The following COL28A1 variants were observed in gnomAD, a reference collection of about 807,000 sequenced individuals.
The protein encoded by COL28A1 is collagen alpha-1(XXVIII) chain.
Under a neutral mutation model 150.2 loss-of-function variants are expected in COL28A1, and 161 were observed. That is an observed-to-expected ratio of 1.07 (90% CI 0.94 to 1.22). The LOEUF is 1.22. Among genes scored for constraint, COL28A1 ranks in the 50% most tolerant of loss-of-function variants. The probability of loss-of-function intolerance (pLI) is 0.00; values close to 1 mark genes in which losing one functional copy is unlikely to be tolerated. For synonymous variants in COL28A1, 552 were observed against 469.7 expected, an observed-to-expected ratio of 1.18 and a Z score of -2.26; for missense variants, 1,617 against 1,388.3, an observed-to-expected ratio of 1.16 and a Z score of -2.62.
At chr7:7,340,707 A>C in the COL28A1 span, among the ~76,000 whole-genome samples, 1 of 151,862 alleles carries the variant, frequency 6.6e-6, no homozygotes, top group Non-Finnish European at 1.5e-5. Flanking sequence ...TTTTATACTT[A>C]TACCTGCATT....
intron 11 of COL28A1, among the ~76,000 whole-genome samples, chr7:7,493,909 A>C (rs1000103145): frequency 2.6e-5 from 4 of 152,126 alleles, no homozygotes; most frequent in Non-Finnish European, 4.4e-5. Context: ...GCATGCCCAC[A>C]GTAATTATTT....
upstream of COL28A1, chr7:7,535,876 T>A (rs1782613977): frequency 6.6e-6 from 1 of 152,226 alleles, no homozygotes; most frequent in South Asian, 2.1e-4. Context: ...GTGTCTTTGC[T>A]TTAGGATCTT....
At chr7:7,353,700 A>C (rs1780280696), downstream of COL28A1, among the ~76,000 whole-genome samples, 1 of 152,192 alleles carries the variant, frequency 6.6e-6, no homozygotes, top group African/African-American at 2.4e-5. Flanking sequence ...AGGACACTGC[A>C]GACAAAGGGA....
chr7:7,474,097 ATAC>A (rs1206821562), intron 15 of COL28A1, among the ~76,000 whole-genome samples: 2 of 139,388 alleles, frequency 1.4e-5, no homozygotes, highest in African/African-American at 6.2e-5. Context: ...ATGTGATGGA[ATAC>A]TACTCAGTCA....
rs182575990 is a variant in COL28A1 at position 7,373,177 on chromosome 7, C to T, written c.2729G>A (p.Arg910His). 837 of 1,614,210 alleles carry T rather than the reference C, an allele frequency of 5.2e-4. No individual in the cohort carries two copies. Among genetic ancestry groups the T allele is most frequent in the East Asian group, 2.9e-3 (132 of 44,888 alleles). Residue 910 changes from arginine to histidine, a missense_variant, in exon 32 of 35, where the codon CGT (arginine) becomes CAT (histidine). Transcript: ENST00000399429. This position sits in a 1 kb window ranked among gnomAD's most constrained non-coding sequence, Gnocchi z 4.1. ...LVITDGQTDS[R>H]DKEKLTEVVK... ...CACCTCTGTCAGTTTCTCTTTATCA[C>T]GAGAATCTGTCTGTCCATCAGTGAT...
At chr7:7,432,920 G>C (rs552479374) in intron 23 of COL28A1, among the ~76,000 whole-genome samples, 5 of 150,252 alleles carry the variant, frequency 3.3e-5, no homozygotes, top group South Asian at 4.2e-4. Context: ...CACAATGTGA[G>C]AAGAGTAGAA....
chr7:7,511,695 G>C (rs1013156518), intron 8 of COL28A1: 1 of 468,352 alleles, frequency 2.1e-6, no homozygotes, highest in South Asian at 1.6e-5. Context: ...GTGAGAGAAA[G>C]GTTCTGAAGT....
Position 7,443,646 on chromosome 7 carries a change from G to T in COL28A1, c.1589C>A (p.Ala530Glu). Residue 530 changes from alanine to glutamate, a missense_variant, in exon 20 of 35, where the codon GCG becomes GAG. Ala to Glu is a moderately radical substitution (Grantham distance 107). Coordinates refer to ENST00000399429, the MANE Select transcript of COL28A1 (RefSeq NM_001037763.3). ...EDGAAGKKGE[A>E]GLPGARGPEG... ...TGGGCCTCTTGCTCCCGGAAGCCCC[G>T]CTTCTCCCTAGAGAAAATGACACTG... is the stretch of plus-strand genomic sequence containing the variant. The T allele has an allele frequency of 6.2e-7, 1 of 1,613,894 alleles. No individual in the cohort carries two copies. The highest frequency in any genetic ancestry group is 1.7e-5 in the Admixed American group (1 of 60,000).
At chr7:7,526,576 G>A (rs1210179081) in intron 3 of COL28A1, among the ~76,000 whole-genome samples, 6 of 151,792 alleles carry the variant, frequency 4.0e-5, no homozygotes, top group African/African-American at 1.5e-4. Flanking sequence ...AACCACTACT[G>A]AAATAAAGAA....
intron 8 of COL28A1, among the ~76,000 whole-genome samples, chr7:7,512,356 G>C (rs1781191801): frequency 6.6e-6 from 1 of 152,070 alleles, no homozygotes; most frequent in Non-Finnish European, 1.5e-5. Context: ...TAGATTTTAA[G>C]CATTCTCACC....
chr7:7,410,627 A>C (rs1454746237), intron 27 of COL28A1, among the ~76,000 whole-genome samples: 1 of 148,248 alleles, frequency 6.7e-6, no homozygotes, highest in Non-Finnish European at 1.5e-5. Context: ...TACTACCAAG[A>C]TTGGTTTTGT....
In COL28A1 at chr7:7,380,858, T is replaced by C. The variant is rs1781833944; in HGVS notation, c.2210A>G (p.Glu737Gly). ...TCCCACATCGCCCCGTTCTCCGTGC[T>C]CTCCCTTTACACAATAGGGTAAAAT... ...MGHGLPGQKG[E>G]HGERGDVGKK... The change falls in exon 29 of 35, where the codon GAG (glutamate) becomes GGG (glycine). Residue 737 changes from glutamate (E) to glycine (G), a missense_variant. Coordinates refer to ENST00000399429, the MANE Select transcript of COL28A1 (RefSeq NM_001037763.3). The C allele has an allele frequency of 6.2e-7, 1 of 1,612,662 alleles. No individual in the cohort carries two copies.
the COL28A1 span, among the ~76,000 whole-genome samples, chr7:7,349,895 G>C: frequency 6.6e-6 from 1 of 152,076 alleles, no homozygotes; most frequent in Non-Finnish European, 1.5e-5. Flanking sequence ...AAATTCCAAA[G>C]GGAAATGAAT....
intron 27 of COL28A1, among the ~76,000 whole-genome samples, chr7:7,385,224 G>A (rs1201805463): frequency 6.6e-6 from 1 of 152,174 alleles, no homozygotes; most frequent in Non-Finnish European, 1.5e-5. Context: ...TTTTTGTGGA[G>A]GTGAATGAGG....
intron 15 of COL28A1, among the ~76,000 whole-genome samples, chr7:7,472,553 G>C (rs1326487818): frequency 5.3e-5 from 8 of 152,182 alleles, no homozygotes; most frequent in Admixed American, 3.9e-4. Context: ...CACATCCCAT[G>C]CTCATGGATA....
chr7:7,529,393 G>A lies in COL28A1; in HGVS notation c.681+1955C>T, dbSNP rs151160922. ...TTTGAAGAGCCTAATAAGCACTTTG[G>A]ATCCTGTAAGTGTTTGGAAAGCAGC... On this transcript the variant is annotated intron_variant, in intron 3 of 34. Coordinates refer to ENST00000399429, the MANE Select transcript of COL28A1 (RefSeq NM_001037763.3). 4.1e-3 allele frequency among the ~76,000 whole-genome samples: 626 copies of A among 152,044 alleles called. 7 individuals carry two copies. Among genetic ancestry groups the A allele is most frequent in the African/African-American group, 0.014 (588 of 41,470 alleles).
intron 25 of COL28A1, among the ~76,000 whole-genome samples, chr7:7,429,233 C>T (rs1342744147): frequency 2.6e-5 from 4 of 151,716 alleles, no homozygotes; most frequent in African/African-American, 9.7e-5. Context: ...TATACAGTTT[C>T]ACTGTCATTT....
Position 7,486,925 on chromosome 7 carries a change from GT to G in COL28A1, c.1164+2463del, listed in dbSNP as rs1262047904. On this transcript the variant is annotated intron_variant, in intron 13 of 34. Coordinates refer to ENST00000399429, the MANE Select transcript of COL28A1 (RefSeq NM_001037763.3). ...TCTTCTTATGTATGTTTAGTATTTT[GT>G]TTTGGTATCAGGGGAAAACTGGCCT... Among the ~76,000 whole-genome samples the G allele has an allele frequency of 4.6e-5, 7 of 152,154 alleles. No individual in the cohort carries two copies. The East Asian group carries it at 1.4e-3, about 29-fold the overall frequency.
intron 14 of COL28A1, 25 bp from the exon 15 acceptor site, chr7:7,474,694 A>C (rs764820963): frequency 2.0e-6 from 2 of 995,150 alleles, no homozygotes; most frequent in South Asian, 2.6e-5. Context: ...GAGGGATATC[A>C]ATGCACCAAC....
Sources: allele counts gnomAD v4.1 joint callset (sites outside exome capture counted in the v4.1 genomes callset), GRCh38; gene constraint gnomAD v4.1.1; non-coding constraint Gnocchi (gnomAD v3.1); transcripts MANE v1.5; gene names NCBI Gene and HGNC (gene_info 2026-07-23, HGNC 2026-07-21).